Variants in DIP2B observed in about 807,000 individuals in gnomAD.
DIP2B encodes the protein disco-interacting protein 2 homolog B.
Under a neutral mutation model 198.0 loss-of-function variants are expected in DIP2B, and 76 were observed. That is an observed-to-expected ratio of 0.38 (90% CI 0.32 to 0.46). The LOEUF (loss-of-function observed/expected upper bound fraction) is 0.46, where lower values mean the gene tolerates loss of function less well. Ranked by LOEUF, DIP2B falls within the 20% of genes least tolerant of loss-of-function variation. The pLI, the probability that DIP2B is intolerant of heterozygous loss-of-function variation, is 0.99. For missense variants in DIP2B, 1,559 were observed against 1,978.4 expected (o/e 0.79, Z 4.02); for synonymous variants, 701 against 739.1 (o/e 0.95, Z 0.84).
chr12:50,724,330 G>T (rs1939892304), intron 27 of DIP2B, among the ~76,000 whole-genome samples: 1 of 152,120 alleles, frequency 6.6e-6, no homozygotes, highest in Admixed American at 6.6e-5. Flanking sequence ...TCAGCATCAG[G>T]GTTCCTTAGG....
intron 28 of DIP2B, among the ~76,000 whole-genome samples, chr12:50,726,758 C>T (rs1002438840): frequency 2.0e-5 from 3 of 151,948 alleles, no homozygotes; most frequent in African/African-American, 7.3e-5. Context: ...GCCTCAGCCT[C>T]CCAAGTAGCT....
chr12:50,622,583 A>G lies in DIP2B; in HGVS notation c.101-3393A>G, dbSNP rs553168427. ...ACACTTTTCCAGTGCATACACAGAA[A>G]AAAATTTTACATGTGTGCAAACACA... On this transcript the variant is annotated intron_variant, in intron 1 of 37. Coordinates refer to ENST00000301180, the MANE Select transcript of DIP2B (RefSeq NM_173602.3). Among the ~76,000 whole-genome samples the G allele has an allele frequency of 2.0e-5, 3 of 152,354 alleles. No homozygotes were observed. The East Asian group carries it at 5.8e-4, about 29-fold the overall frequency.
chr12:50,632,462 C>G, intron 2 of DIP2B, among the ~76,000 whole-genome samples: 1 of 111,106 alleles, frequency 9.0e-6, no homozygotes. Flanking sequence ...CTGGGTGACA[C>G]AGCAAGACTC....
intron 1 of DIP2B, among the ~76,000 whole-genome samples, chr12:50,526,402 G>T (rs1958165052): frequency 6.6e-6 from 1 of 152,056 alleles, no homozygotes; most frequent in South Asian, 2.1e-4. Context: ...TTTACAGTTG[G>T]GTGATATGTG....
At position 50,698,257 on chromosome 12, in the gene DIP2B, T is replaced by C. The variant is rs1289804228; in HGVS notation, c.2049-71T>C. Reference sequence around the variant, plus strand: ...TGGTATTGTAGCCAGAGGAAATTTGTCTTCCTATGTATTTGTATTTTTCCC... The same window carrying C: ...TGGTATTGTAGCCAGAGGAAATTTGCCTTCCTATGTATTTGTATTTTTCCC... On this transcript the variant is annotated intron_variant, in intron 17 of 37. Transcript: ENST00000301180. The C allele has an allele frequency of 4.6e-6, 7 of 1,519,352 alleles. No homozygotes were observed. The South Asian group carries it at 7.9e-5, about 17-fold the overall frequency. The allele number at this position is 1,519,352 out of a possible 1,614,324, so 94.1% of individuals were successfully genotyped here.
intron 2 of DIP2B, among the ~76,000 whole-genome samples, chr12:50,637,694 C>T (rs186881479): frequency 6.6e-6 from 1 of 152,296 alleles, no homozygotes; most frequent in East Asian, 1.9e-4. Context: ...GCTCTGTTCA[C>T]CTCCCAGAAG....
intron 1 of DIP2B, among the ~76,000 whole-genome samples, chr12:50,509,926 A>G (rs1958000202): frequency 1.3e-5 from 2 of 152,214 alleles, no homozygotes; most frequent in Admixed American, 6.5e-5. Flanking sequence ...TAAATAACCA[A>G]GAATGGGCAT....
intron 1 of DIP2B, among the ~76,000 whole-genome samples, chr12:50,615,250 C>T (rs546905850): frequency 3.9e-5 from 6 of 152,158 alleles, no homozygotes; most frequent in African/African-American, 1.4e-4. Flanking sequence ...TTTCCGCACC[C>T]CCTCCCCCGC....
intron 1 of DIP2B, among the ~76,000 whole-genome samples, chr12:50,587,169 C>G (rs1319422303): frequency 6.6e-6 from 1 of 152,180 alleles, no homozygotes; most frequent in East Asian, 1.9e-4. Context: ...TACCTCTACA[C>G]TTTAGGTAGG....
At chr12:50,699,373 T>C (rs1181714294) in intron 19 of DIP2B, among the ~76,000 whole-genome samples, 171 bp downstream of exon 19, 1 of 152,118 alleles carries the variant, frequency 6.6e-6, no homozygotes, top group Non-Finnish European at 1.5e-5. Context: ...TGACCTTGGG[T>C]GAGTTGGTTA....
In DIP2B at chr12:50,676,470, C is replaced by T. The variant is rs577877149; in HGVS notation, c.916+1022C>T. ...ATCACTAAACTCATTGAATGGTGGA[C>T]GTCTTTCATGATGTACTGATGTTCA... On this transcript the variant is annotated intron_variant, in intron 7 of 37. Coordinates refer to ENST00000301180, the MANE Select transcript of DIP2B (RefSeq NM_173602.3). Among the ~76,000 whole-genome samples the T allele has an allele frequency of 1.4e-4, 22 of 152,260 alleles. No individual in the cohort carries two copies. In the South Asian group the frequency reaches 1.9e-3, roughly 13 times the overall value.
At chr12:50,533,072 A>G (rs79280433) in intron 1 of DIP2B, among the ~76,000 whole-genome samples, 2,027 of 152,336 alleles carry the variant, frequency 0.013, 49 homozygotes, top group African/African-American at 0.046. Context: ...GATGTGACAG[A>G]GTCACAGTGA....
intron 19 of DIP2B, among the ~76,000 whole-genome samples, chr12:50,702,292 G>A (rs537743035): frequency 6.6e-6 from 1 of 152,184 alleles, no homozygotes; most frequent in African/African-American, 2.4e-5. Flanking sequence ...CTTGCAGTGA[G>A]CCAAGATTGT....
At position 50,562,136 on chromosome 12, in the gene DIP2B, C is replaced by T. The variant is rs571401979; in HGVS notation, c.100+56896C>T. Reference sequence around the variant, plus strand: ...TTAGTTATCTCCCTGACCTTGACTGCCAGGAGCAGGCTTTGGAATACAAAG... The same window carrying T: ...TTAGTTATCTCCCTGACCTTGACTGTCAGGAGCAGGCTTTGGAATACAAAG... On this transcript the variant is annotated intron_variant, in intron 1 of 37. Coordinates refer to ENST00000301180, the MANE Select transcript of DIP2B (RefSeq NM_173602.3). Among the ~76,000 whole-genome samples, 12 of 152,212 alleles carry T rather than the reference C, an allele frequency of 7.9e-5. No individual in the cohort carries two copies. The East Asian group carries it at 2.3e-3, about 29-fold the overall frequency.
chr12:50,613,831 A>G (rs967697567), intron 1 of DIP2B, among the ~76,000 whole-genome samples: 2 of 152,190 alleles, frequency 1.3e-5, no homozygotes, highest in Non-Finnish European at 1.5e-5. Flanking sequence ...TCAGATGTCT[A>G]TGCTGGAAGA....
chr12:50,579,789 G>A (rs1483398217), intron 1 of DIP2B, among the ~76,000 whole-genome samples: 3 of 147,814 alleles, frequency 2.0e-5, no homozygotes, highest in Non-Finnish European at 3.0e-5. Context: ...TTGGAGAACT[G>A]CAGATTGAAA....
At chr12:50,599,864 AT>A (rs1394107014) in intron 1 of DIP2B, among the ~76,000 whole-genome samples, 1 of 152,064 alleles carries the variant, frequency 6.6e-6, no homozygotes, top group Non-Finnish European at 1.5e-5. Context: ...GCAATAGGAG[AT>A]TTTTGAGATT....
At chr12:50,743,975 A>T (rs1411006819) in intron 37 of DIP2B, among the ~76,000 whole-genome samples, 1 of 152,118 alleles carries the variant, frequency 6.6e-6, no homozygotes, top group Non-Finnish European at 1.5e-5. Context: ...AGAATATTCA[A>T]ATCCATGTCA....
intron 1 of DIP2B, among the ~76,000 whole-genome samples, chr12:50,597,221 A>G (rs910603978): frequency 1.3e-5 from 2 of 152,208 alleles, no homozygotes; most frequent in Non-Finnish European, 2.9e-5. Flanking sequence ...ATTCTTTTTA[A>G]GGGCTCAATA....
Sources: allele counts gnomAD v4.1 joint callset (sites outside exome capture counted in the v4.1 genomes callset), GRCh38; gene constraint gnomAD v4.1.1; transcripts MANE v1.5; gene names NCBI Gene and HGNC (gene_info 2026-07-23, HGNC 2026-07-21).